CD2AP: variants seen among roughly 807,000 people sequenced by gnomAD.
CD2AP encodes the protein CD2-associated protein.
A neutral mutation model predicts 85.1 loss-of-function variants in CD2AP; 46 were observed. That is an observed-to-expected ratio of 0.54 (90% CI 0.43 to 0.69). The LOEUF is 0.69. CD2AP is among the 30% of genes least tolerant of loss of function. CD2AP has a pLI of 0.00. For synonymous variants in CD2AP, 255 were observed against 252.9 expected, an observed-to-expected ratio of 1.01 and a Z score of -0.08; for missense variants, 769 against 729.5, an observed-to-expected ratio of 1.05 and a Z score of -0.62.
intron 12 of CD2AP, 136 bp downstream of exon 12, chr6:47,596,162 A>G: frequency 2.9e-6 from 2 of 690,224 alleles, no homozygotes; most frequent in African/African-American, 3.6e-5. Context: ...TGACATATAC[A>G]ATTGTGTGTA....
At chr6:47,573,601 G>A (rs1768216076) in intron 5 of CD2AP, among the ~76,000 whole-genome samples, 2 of 147,148 alleles carry the variant, frequency 1.4e-5, no homozygotes, top group African/African-American at 5.0e-5. Context: ...CCATTCTCCT[G>A]CCTTAGCCTC....
At chr6:47,505,611 G>A (rs531482659) in intron 2 of CD2AP, among the ~76,000 whole-genome samples, 554 of 84,582 alleles carry the variant, frequency 6.5e-3, no homozygotes, top group Middle Eastern at 0.012. Context: ...GCGGCTGGCC[G>A]GGCGGGGGGG....
At chr6:47,615,976 G>C (rs1474198935) in intron 17 of CD2AP, among the ~76,000 whole-genome samples, 1 of 151,036 alleles carries the variant, frequency 6.6e-6, no homozygotes, top group Non-Finnish European at 1.5e-5. Flanking sequence ...GTAGAGACGG[G>C]GTTTCACTGT....
At chr6:47,542,218 TTTC>T (rs910219353) in intron 3 of CD2AP, among the ~76,000 whole-genome samples, 3 of 152,226 alleles carry the variant, frequency 2.0e-5, no homozygotes, top group Non-Finnish European at 2.9e-5. Context: ...GTATGCATGT[TTTC>T]TTCTCAAGTT....
chr6:47,588,014 C>T (rs1768677159), intron 11 of CD2AP, among the ~76,000 whole-genome samples: 1 of 152,170 alleles, frequency 6.6e-6, no homozygotes, highest in African/African-American at 2.4e-5. Flanking sequence ...GATTTATTTA[C>T]ATTTATTGCT....
At chr6:47,600,080 T>G (rs1209975650) in intron 13 of CD2AP, among the ~76,000 whole-genome samples, 1 of 151,930 alleles carries the variant, frequency 6.6e-6, no homozygotes, top group South Asian at 2.1e-4. Flanking sequence ...TACTTTCTGG[T>G]AATTGTTAAT....
intron 2 of CD2AP, among the ~76,000 whole-genome samples, chr6:47,512,324 A>C (rs1766339923): frequency 6.6e-6 from 1 of 152,214 alleles, no homozygotes; most frequent in African/African-American, 2.4e-5. Flanking sequence ...CCTGGGTTGC[A>C]GAACGAGACT....
At chr6:47,480,908 A>G (rs911349384) in intron 1 of CD2AP, among the ~76,000 whole-genome samples, 4 of 152,212 alleles carry the variant, frequency 2.6e-5, no homozygotes, top group African/African-American at 7.2e-5. Context: ...GCGAAAGTCC[A>G]TTATTGGTAA....
intron 8 of CD2AP, 91 bp downstream of exon 8, chr6:47,577,194 T>C: frequency 2.7e-6 from 2 of 750,700 alleles, no homozygotes; most frequent in Admixed American, 3.8e-5. Context: ...TGTTCTTATA[T>C]TCACCCTGGA....
intron 3 of CD2AP, among the ~76,000 whole-genome samples, chr6:47,539,366 G>A (rs895766250): frequency 1.3e-5 from 2 of 152,324 alleles, no homozygotes; most frequent in African/African-American, 4.8e-5. Flanking sequence ...GGACATACAA[G>A]CACATGGAGA....
At chr6:47,622,433 C>T (rs1315242784) in intron 17 of CD2AP, among the ~76,000 whole-genome samples, 1 of 136,394 alleles carries the variant, frequency 7.3e-6, no homozygotes, top group Admixed American at 7.1e-5. Context: ...CCCCCTGCTT[C>T]TCTGGCTGCC....
chr6:47,564,326 A>G lies in CD2AP; in HGVS notation c.541+9560A>G, dbSNP rs559107616. Among the ~76,000 whole-genome samples the G allele has an allele frequency of 8.2e-4, 125 of 152,274 alleles. No individual in the cohort carries two copies. In the South Asian group the frequency reaches 8.9e-3, roughly 11 times the overall value. The stretch of plus-strand genomic sequence containing the variant: ...GTGTAAATTAAAGCATATGAGTGAA[A>G]TGATCTTTGTGATGCCATATAAAAC... On this transcript the variant is annotated intron_variant, in intron 5 of 17. Coordinates refer to ENST00000359314, the MANE Select transcript of CD2AP (RefSeq NM_012120.3).
chr6:47,497,935 C>T (rs1223001862), intron 1 of CD2AP, among the ~76,000 whole-genome samples: 3 of 152,128 alleles, frequency 2.0e-5, no homozygotes, highest in African/African-American at 4.8e-5. Context: ...AGATTTGTTG[C>T]GCAGCTGCAA....
At chr6:47,531,442 C>G (rs573441990) in intron 2 of CD2AP, among the ~76,000 whole-genome samples, 1 of 151,480 alleles carries the variant, frequency 6.6e-6, no homozygotes, top group Non-Finnish European at 1.5e-5. Flanking sequence ...TGCGGGAAAC[C>G]GAGGACTGGA....
intron 3 of CD2AP, among the ~76,000 whole-genome samples, chr6:47,536,746 A>T (rs1767058820): frequency 6.6e-6 from 1 of 152,214 alleles, no homozygotes; most frequent in Non-Finnish European, 1.5e-5. Context: ...GTCAGAGAAG[A>T]GAACAAATGT....
At chr6:47,560,838 A>G (rs1356571888) in intron 5 of CD2AP, among the ~76,000 whole-genome samples, 1 of 152,220 alleles carries the variant, frequency 6.6e-6, no homozygotes, top group Non-Finnish European at 1.5e-5. Flanking sequence ...CTTTCACTCA[A>G]CAGTTTTAGC....
chr6:47,583,278 C>CA (rs1185857329), intron 11 of CD2AP, among the ~76,000 whole-genome samples: 1 of 152,138 alleles, frequency 6.6e-6, no homozygotes, highest in Non-Finnish European at 1.5e-5. Context: ...CTTTATCACT[C>CA]AAAGTCCATA....
At chr6:47,541,404 A>G (rs1335907453) in intron 3 of CD2AP, among the ~76,000 whole-genome samples, 1 of 152,192 alleles carries the variant, frequency 6.6e-6, no homozygotes, top group African/African-American at 2.4e-5. Flanking sequence ...GATTACAGGC[A>G]TGAGCCTCCA....
At chr6:47,554,991 A>G (rs1443672650) in intron 5 of CD2AP, among the ~76,000 whole-genome samples, 1 of 152,126 alleles carries the variant, frequency 6.6e-6, no homozygotes, top group Non-Finnish European at 1.5e-5. Context: ...ACCTTAGGTA[A>G]ATCTTTAGTA....
Sources: allele counts gnomAD v4.1 joint callset (sites outside exome capture counted in the v4.1 genomes callset), GRCh38; gene constraint gnomAD v4.1.1; transcripts MANE v1.5; gene names NCBI Gene and HGNC (gene_info 2026-07-23, HGNC 2026-07-21).